Variants in MAD1L1 observed in about 807,000 individuals in gnomAD.
The protein encoded by MAD1L1 is mitotic arrest deficient 1 like 1.
Under a neutral mutation model 96.9 loss-of-function variants are expected in MAD1L1, and 95 were observed. That is an observed-to-expected ratio of 0.98 (90% CI 0.83 to 1.16). The LOEUF (loss-of-function observed/expected upper bound fraction) is 1.16. Among genes scored for constraint, MAD1L1 ranks in the 50% most tolerant of loss-of-function variants. The pLI is 0.00. For missense variants in MAD1L1, 1,007 were observed against 954.4 expected, an observed-to-expected ratio of 1.06 and a Z score of -0.73; for synonymous variants, 473 against 396.6, an observed-to-expected ratio of 1.19 and a Z score of -2.29.
rs753294887 is a variant in MAD1L1, at chr7:2,222,740, G to A, written c.306C>T (p.Arg102=). 6 of 1,602,984 alleles carry A rather than the reference G, an allele frequency of 3.7e-6. No homozygotes were observed. The highest frequency in any genetic ancestry group is 5.1e-6 in the Non-Finnish European group (6 of 1,178,596). The change falls in exon 5 of 19, where the codon CGC becomes CGT. Residue 102 remains arginine (R), a synonymous_variant. Coordinates refer to ENST00000265854, the MANE Select transcript of MAD1L1 (RefSeq NM_001013836.2). ...SARNYEREVD[R]NQELLTRIRQ... is the part of the protein sequence containing the mutation. ...GGATGCGCGTCAGGAGCTCCTGGTT[G>A]CGGTCGACCTCACGCTGTTAAGAGA...
At chr7:2,043,641 T>TG (rs1048970664) in intron 12 of MAD1L1, among the ~76,000 whole-genome samples, 21 of 152,186 alleles carry the variant, frequency 1.4e-4, no homozygotes, top group African/African-American at 4.6e-4. Context: ...GCGGAGGGCC[T>TG]GGGGGGGCTG....
rs184220974 is a variant in MAD1L1, at chr7:1,993,657, G to A, written c.1416+8408C>T. Among the ~76,000 whole-genome samples the A allele has an allele frequency of 2.4e-3, 364 of 152,294 alleles. 2 individuals are homozygous for A. The highest frequency in any genetic ancestry group is 8.3e-3 in the African/African-American group (344 of 41,536). ...TATGCCTGAGAAATCTATTTTCTGG[G>A]CGAAGAAACCATCTTCTCAGCTACT... On this transcript the variant is annotated intron_variant, in intron 14 of 18. Coordinates refer to ENST00000265854, the MANE Select transcript of MAD1L1 (RefSeq NM_001013836.2).
chr7:1,941,100 C>T (rs997021711), intron 16 of MAD1L1, among the ~76,000 whole-genome samples: 9 of 149,848 alleles, frequency 6.0e-5, no homozygotes, highest in Admixed American at 2.0e-4. Flanking sequence ...AGCAAGGCCT[C>T]GCCTGGCCCC....
intron 12 of MAD1L1, among the ~76,000 whole-genome samples, chr7:2,066,021 T>A (rs1018430604): frequency 3.9e-5 from 6 of 152,242 alleles, no homozygotes; most frequent in African/African-American, 1.4e-4. Context: ...TTTCAACTGC[T>A]TAAAATAGTC....
At chr7:2,090,227 A>C in intron 11 of MAD1L1, among the ~76,000 whole-genome samples, 1 of 149,268 alleles carries the variant, frequency 6.7e-6, no homozygotes, top group Non-Finnish European at 1.5e-5. Context: ...GGTAGGCCAG[A>C]AGACAAAGCA....
chr7:1,894,048 G>A (rs933671192), intron 18 of MAD1L1, among the ~76,000 whole-genome samples: 3 of 152,324 alleles, frequency 2.0e-5, no homozygotes, highest in East Asian at 3.9e-4. Context: ...CCATAAGCCA[G>A]GCCCTGAGCT....
At chr7:2,000,915 GC>G (rs1196133338) in intron 14 of MAD1L1, among the ~76,000 whole-genome samples, 1 of 152,196 alleles carries the variant, frequency 6.6e-6, no homozygotes, top group African/African-American at 2.4e-5. Context: ...TCTGCAGACA[GC>G]CCTCGCCCAT....
chr7:2,004,189 A>AG (rs1491271742), intron 13 of MAD1L1, among the ~76,000 whole-genome samples: 1 of 152,136 alleles, frequency 6.6e-6, no homozygotes, highest in Non-Finnish European at 1.5e-5. Context: ...CAGCCCAAAC[A>AG]GGGGGGACGA....
intron 17 of MAD1L1, 145 bp downstream of exon 17, chr7:1,936,542 A>C: frequency 1.2e-6 from 1 of 834,712 alleles, no homozygotes; most frequent in East Asian, 2.7e-5. Context: ...CTGCCCCAGC[A>C]ACCACCAGAC....
chr7:2,084,188 A>C (rs1785793214), intron 11 of MAD1L1, among the ~76,000 whole-genome samples: 1 of 152,214 alleles, frequency 6.6e-6, no homozygotes, highest in Admixed American at 6.5e-5. Flanking sequence ...AATTCAGGAA[A>C]CACAATGGAA....
intron 11 of MAD1L1, among the ~76,000 whole-genome samples, chr7:2,074,482 CCCTGGAGGG>C (rs2128533518): frequency 6.6e-6 from 1 of 152,326 alleles, no homozygotes; most frequent in Admixed American, 6.5e-5. Flanking sequence ...TGCATGGGGA[CCCTGGAGGG>C]CCTGGACCCA....
chr7:1,862,063 C>T (rs562636774), intron 18 of MAD1L1, among the ~76,000 whole-genome samples: 1 of 152,314 alleles, frequency 6.6e-6, no homozygotes, highest in African/African-American at 2.4e-5. Flanking sequence ...CCTGCAGAGC[C>T]TCTGGCATCA....
At chr7:2,139,943 C>T (rs544534808) in intron 11 of MAD1L1, among the ~76,000 whole-genome samples, 2 of 152,228 alleles carry the variant, frequency 1.3e-5, no homozygotes, top group African/African-American at 4.8e-5. Flanking sequence ...TCTCTTTCCC[C>T]CCACAGGCCT....
chr7:2,008,478 G>A (rs567714485), intron 13 of MAD1L1, among the ~76,000 whole-genome samples: 1 of 152,244 alleles, frequency 6.6e-6, no homozygotes. Flanking sequence ...TCACCTCTGA[G>A]ACAAGAGCTC....
At chr7:1,952,065 G>A (rs1445556174) in intron 16 of MAD1L1, among the ~76,000 whole-genome samples, 4 of 152,198 alleles carry the variant, frequency 2.6e-5, no homozygotes, top group Admixed American at 2.6e-4. Flanking sequence ...GGCTTAGTCT[G>A]CAAACTCCCA....
chr7:2,203,757 T>C (rs941501444), intron 10 of MAD1L1, among the ~76,000 whole-genome samples: 1 of 152,168 alleles, frequency 6.6e-6, no homozygotes, highest in South Asian at 2.1e-4. Context: ...TGGGAGTACA[T>C]AAAGAGCTTC....
intron 15 of MAD1L1, among the ~76,000 whole-genome samples, chr7:1,961,235 A>G (rs1779939865): frequency 6.6e-6 from 1 of 152,254 alleles, no homozygotes; most frequent in Admixed American, 6.5e-5. Context: ...GCTTCTTTGT[A>G]CAAATTGGCA....
intron 11 of MAD1L1, among the ~76,000 whole-genome samples, chr7:2,143,100 G>A (rs777316500): frequency 2.0e-5 from 3 of 152,040 alleles, no homozygotes; most frequent in Non-Finnish European, 4.4e-5. Context: ...ACAAGGACTA[G>A]CTAAAAACCT....
intron 18 of MAD1L1, among the ~76,000 whole-genome samples, chr7:1,880,252 G>A (rs180917821): frequency 2.4e-4 from 37 of 152,252 alleles, no homozygotes; most frequent in African/African-American, 7.2e-4. Flanking sequence ...GCCAACACCC[G>A]GGTTCCTGGA....
Sources: gnomAD v4.1 joint callset for allele counts (sites outside exome capture counted in the v4.1 genomes callset) on GRCh38, gnomAD v4.1.1 for gene constraint, MANE v1.5 for transcripts, NCBI Gene and HGNC (gene_info 2026-07-23, HGNC 2026-07-21) for gene names.